The following MYO16 variants were observed in gnomAD, a reference collection of about 807,000 sequenced individuals.
The protein encoded by MYO16 is unconventional myosin-XVI.
MYO16 carries 94 observed loss-of-function variants against 205.3 expected under a neutral mutation model. The ratio of observed to expected loss-of-function variants is 0.46; its 90% confidence interval spans 0.39 to 0.54. MYO16 has a LOEUF of 0.54. Among genes scored for constraint, MYO16 ranks in the 20% least tolerant of loss-of-function variants. MYO16 has a pLI of 0.00. For synonymous variants in MYO16, 988 were observed against 954.0 expected (o/e 1.04, Z -0.66); for missense variants, 2,315 against 2,387.5 (o/e 0.97, Z 0.63).
At chr13:108,649,709 C>T (rs1053117031) in intron 1 of MYO16, among the ~76,000 whole-genome samples, 8 of 152,018 alleles carry the variant, frequency 5.3e-5, no homozygotes, top group Admixed American at 2.0e-4. Flanking sequence ...TTAAAGTCTA[C>T]ATAGTAGAGT....
intron 16 of MYO16, among the ~76,000 whole-genome samples, chr13:108,947,789 G>A (rs1882994786): frequency 6.6e-6 from 1 of 152,204 alleles, no homozygotes; most frequent in African/African-American, 2.4e-5. Context: ...TTCACCAGAT[G>A]TTTTGAAATA....
At chr13:109,066,124 G>C (rs1372857720) in intron 27 of MYO16, among the ~76,000 whole-genome samples, 1 of 152,176 alleles carries the variant, frequency 6.6e-6, no homozygotes, top group Non-Finnish European at 1.5e-5. Context: ...TGGGTGTTCG[G>C]AGAGGGATGA....
the MYO16 span, among the ~76,000 whole-genome samples, chr13:108,577,467 T>C: frequency 6.6e-6 from 1 of 152,154 alleles, no homozygotes; most frequent in East Asian, 1.9e-4. Context: ...GTCTAGTTTA[T>C]TATCTTCCTG....
chr13:108,927,902 G>A (rs558940849), intron 16 of MYO16, among the ~76,000 whole-genome samples: 2 of 152,368 alleles, frequency 1.3e-5, no homozygotes, highest in South Asian at 2.1e-4. Flanking sequence ...GCCTGAGCAT[G>A]CGCTCTAGGC....
Position 109,120,448 on chromosome 13 carries a change from A to G in MYO16, c.3517A>G (p.Ile1173Val), listed in dbSNP as rs1266344631. 1.2e-6 allele frequency: 2 copies of G among 1,611,058 alleles called. No homozygotes were observed. The highest frequency in any genetic ancestry group is 1.3e-5 in the African/African-American group (1 of 74,990). Residue 1173 changes from isoleucine to valine, a missense_variant, in exon 29 of 35, where the codon ATT becomes GTT. Around this residue, in one of 3 missense-constraint regions of MYO16, gnomAD observed 1,097 missense variants for 1,092.0 expected, o/e 1.00. Coordinates refer to ENST00000457511, the MANE Select transcript of MYO16 (RefSeq NM_001198950.3). ...NDLCLQLQRK[I>V]ITCQKVIRGF... ...TTTGTGCCTACAGTTGCAGAGAAAA[A>G]TTATAACCTGCCAAAAAGGTAACAT...
the MYO16 span, among the ~76,000 whole-genome samples, chr13:108,507,864 T>A: frequency 6.6e-6 from 1 of 152,148 alleles, no homozygotes; most frequent in African/African-American, 2.4e-5. Context: ...TCTGATTAGA[T>A]GACTTCAAAT....
At chr13:108,715,726 G>A (rs1265484505) in intron 3 of MYO16, among the ~76,000 whole-genome samples, 1 of 152,180 alleles carries the variant, frequency 6.6e-6, no homozygotes, top group Non-Finnish European at 1.5e-5. Flanking sequence ...ATAAGCAGAT[G>A]ATAGCGAAGG....
chr13:108,814,748 T>C (rs1258552745), intron 7 of MYO16, among the ~76,000 whole-genome samples: 1 of 152,162 alleles, frequency 6.6e-6, no homozygotes, highest in African/African-American at 2.4e-5. Context: ...GGGCATACTA[T>C]TGAAAACCTA....
At chr13:108,497,565 A>C in the MYO16 span, among the ~76,000 whole-genome samples, 3 of 152,344 alleles carry the variant, frequency 2.0e-5, no homozygotes, top group South Asian at 6.2e-4. Context: ...CTGAAGGAAA[A>C]ATGTATTTAA....
intron 3 of MYO16, among the ~76,000 whole-genome samples, chr13:108,717,699 C>T (rs1884003018): frequency 6.6e-6 from 1 of 151,386 alleles, no homozygotes; most frequent in Non-Finnish European, 1.5e-5. Flanking sequence ...TTATACATGC[C>T]CAAAGCGGGT....
At chr13:109,192,800 G>T (rs1288104731) in intron 34 of MYO16, among the ~76,000 whole-genome samples, 1 of 152,156 alleles carries the variant, frequency 6.6e-6, no homozygotes, top group Non-Finnish European at 1.5e-5. Flanking sequence ...ATATGAGCAA[G>T]AAATATCCTT....
At chr13:108,714,033 C>T (rs1883826299) in intron 3 of MYO16, among the ~76,000 whole-genome samples, 1 of 152,004 alleles carries the variant, frequency 6.6e-6, no homozygotes, top group African/African-American at 2.4e-5. Flanking sequence ...TGGCAAATAT[C>T]GTAAGCCTGT....
the MYO16 span, among the ~76,000 whole-genome samples, chr13:108,531,837 C>T: frequency 1.3e-5 from 2 of 151,922 alleles, no homozygotes; most frequent in African/African-American, 4.8e-5. Context: ...ATTGAAGAAC[C>T]CCTACATTTA....
rs563353059 is a variant in MYO16 at position 108,893,958 on chromosome 13, A to T, written c.1660-4058A>T. 7.9e-5 allele frequency among the ~76,000 whole-genome samples: 12 copies of T among 152,308 alleles called. No individual in the cohort carries two copies. The South Asian group carries it at 2.5e-3, about 32-fold the overall frequency. On this transcript the variant is annotated intron_variant, in intron 14 of 34. Transcript: ENST00000457511. ...AGTCTGTTCTCATACTGCCATAAAG[A>T]TACCACCTGAGACTAGGAAATTTAT...
chr13:109,037,620 G>A (rs1034983252), intron 23 of MYO16, among the ~76,000 whole-genome samples: 6 of 152,138 alleles, frequency 3.9e-5, no homozygotes, highest in Non-Finnish European at 8.8e-5. Flanking sequence ...CTATGCAAAG[G>A]TAGGTAGGAA....
At position 109,162,801 on chromosome 13, in the gene MYO16, C is replaced by T. The variant is rs150594512; in HGVS notation, c.5165-2100C>T. Reference sequence around the variant, plus strand: ...TAAAAGCAGGTGAGTACATCTTGAGCCAGTTTTAAAACAGAACCTGTTTTA... The same window carrying T: ...TAAAAGCAGGTGAGTACATCTTGAGTCAGTTTTAAAACAGAACCTGTTTTA... On this transcript the variant is annotated intron_variant, in intron 32 of 34. Transcript: ENST00000457511. The surrounding 1 kb of genome is among the most constrained non-coding windows in gnomAD (Gnocchi z 4.6). 3.5e-3 allele frequency among the ~76,000 whole-genome samples: 532 copies of T among 152,116 alleles called. 6 individuals are homozygous for T. Among genetic ancestry groups the T allele is most frequent in the South Asian group, 0.03 (144 of 4,818 alleles).
intron 7 of MYO16, among the ~76,000 whole-genome samples, chr13:108,809,622 CATT>C (rs1887222981): frequency 6.6e-6 from 1 of 152,166 alleles, no homozygotes; most frequent in South Asian, 2.1e-4. Context: ...AGAACTCACT[CATT>C]ATCGTGAGGA....
At chr13:108,704,154 G>T (rs2139526592) in intron 2 of MYO16, among the ~76,000 whole-genome samples, 1 of 152,240 alleles carries the variant, frequency 6.6e-6, no homozygotes, top group East Asian at 1.9e-4. Flanking sequence ...GTGTAAACTA[G>T]CCATCCGAGG....
At chr13:109,138,976 G>A (rs183735088) in intron 31 of MYO16, among the ~76,000 whole-genome samples, 6 of 151,772 alleles carry the variant, frequency 4.0e-5, no homozygotes, top group East Asian at 3.9e-4. Flanking sequence ...GTGCCACCTC[G>A]CCCAGCTAAT....
Sources: gnomAD v4.1 joint callset for allele counts (sites outside exome capture counted in the v4.1 genomes callset) on GRCh38, gnomAD v4.1.1 for gene constraint, gnomAD v4.1.1 regional missense constraint, Gnocchi (gnomAD v3.1) non-coding constraint, MANE v1.5 for transcripts, NCBI Gene and HGNC (gene_info 2026-07-23, HGNC 2026-07-21) for gene names.